The following SH3KBP1 variants were observed in gnomAD, a reference collection of about 807,000 sequenced individuals.
SH3KBP1 encodes SH3 domain containing kinase binding protein 1.
In SH3KBP1, 8 loss-of-function variants were observed where a neutral mutation model predicts 50.1. The observed-to-expected ratio is 0.16, with a 90% CI of 0.09 to 0.29. SH3KBP1 has a LOEUF of 0.29. Among genes scored for constraint, SH3KBP1 ranks in the 10% least tolerant of loss-of-function variants. SH3KBP1 has a pLI of 1.00. For synonymous variants in SH3KBP1, 227 were observed against 218.6 expected (o/e 1.04, Z -0.34); for missense variants, 377 against 535.2 (o/e 0.70, Z 2.92).
At chrX:19,778,638 A>G (rs1207539559) in intron 2 of SH3KBP1, among the ~76,000 whole-genome samples, 2 of 109,894 alleles carry the variant, frequency 1.8e-5, no homozygotes, top group Admixed American at 2.0e-4. Context: ...ATCCTTGTGA[A>G]AAGTGGGAAA....
chrX:19,883,943 T>G (rs2069516613), intron 1 of SH3KBP1, among the ~76,000 whole-genome samples: 1 of 111,505 alleles, frequency 9.0e-6, no homozygotes, highest in South Asian at 3.8e-4. Context: ...AAACACGCCC[T>G]CAAGCCACCT....
intron 2 of SH3KBP1, among the ~76,000 whole-genome samples, chrX:19,831,734 T>A (rs1251710519): frequency 2.5e-5 from 2 of 80,641 alleles, no homozygotes; most frequent in African/African-American, 1.0e-4. Context: ...GAGGTTGCGG[T>A]GAGCCGAGAT....
At chrX:19,810,925 A>G (rs1056193704) in intron 2 of SH3KBP1, among the ~76,000 whole-genome samples, 1 of 112,125 alleles carries the variant, frequency 8.9e-6, no homozygotes, top group Non-Finnish European at 1.9e-5. Context: ...AAAAATGTCA[A>G]TAAGCACAAA....
intron 2 of SH3KBP1, among the ~76,000 whole-genome samples, chrX:19,761,384 A>T (rs1328632369): frequency 1.1e-5 from 1 of 94,875 alleles, no homozygotes; most frequent in Non-Finnish European, 2.1e-5. Context: ...GGGGGGAGAG[A>T]GAGGGAGAGA....
At position 19,863,983 on chromosome X, in the gene SH3KBP1, T is replaced by C. The variant is rs1312436300; in HGVS notation, c.4+23324A>G. Among the ~76,000 whole-genome samples the C allele has an allele frequency of 2.7e-5, 3 of 110,923 alleles. No individual in the cohort carries two copies. The Admixed American group carries it at 2.9e-4, about 11-fold the overall frequency. On this transcript the variant is annotated intron_variant, in intron 1 of 17. Transcript: ENST00000397821. ...TCATTTCCTGTCCTCATCCCCCTGC[T>C]TCCTCATTCCTCGCTCGCTGGCCAG... is the stretch of plus-strand genomic sequence containing the variant.
chrX:19,851,921 T>C (rs772778074), intron 1 of SH3KBP1, among the ~76,000 whole-genome samples: 53 of 111,438 alleles, frequency 4.8e-4, no homozygotes, highest in African/African-American at 1.6e-3. Flanking sequence ...CTGTGGCCAA[T>C]TGTGTTTTCC....
At chrX:19,778,676 T>G (rs1288068865) in intron 2 of SH3KBP1, among the ~76,000 whole-genome samples, 1 of 110,268 alleles carries the variant, frequency 9.1e-6, no homozygotes, top group East Asian at 2.9e-4. Context: ...GTAGGTGTGA[T>G]CTGAGGAAGG....
chrX:19,644,841 T>C (rs1426015048), intron 7 of SH3KBP1, among the ~76,000 whole-genome samples: 1 of 112,056 alleles, frequency 8.9e-6, no homozygotes, highest in Non-Finnish European at 1.9e-5. Flanking sequence ...ATGATATTTC[T>C]ATTGGCTAGC....
At chrX:19,629,509 G>A (rs2061530243) in intron 8 of SH3KBP1, among the ~76,000 whole-genome samples, 1 of 111,400 alleles carries the variant, frequency 9.0e-6, no homozygotes, top group Non-Finnish European at 1.9e-5. Flanking sequence ...CTCCAGACCG[G>A]GTGCTATGGT....
chrX:19,835,229 G>C (rs2068027294), intron 2 of SH3KBP1, among the ~76,000 whole-genome samples: 1 of 111,473 alleles, frequency 9.0e-6, no homozygotes, highest in Admixed American at 9.6e-5. Context: ...AACCTCCTGG[G>C]CTCAAGTGAT....
At chrX:19,639,967 A>T (rs2061813096) in intron 7 of SH3KBP1, among the ~76,000 whole-genome samples, 2 of 100,129 alleles carry the variant, frequency 2.0e-5, no homozygotes, top group South Asian at 9.6e-4. Context: ...AATGAGCTGC[A>T]CTGAGTAAGT....
At chrX:19,878,505 T>TGTGTGTGTGTGTGTGTGTGTGA (rs1491094714) in intron 1 of SH3KBP1, among the ~76,000 whole-genome samples, 2 of 48,216 alleles carry the variant, frequency 4.1e-5, no homozygotes, top group African/African-American at 1.2e-4. Context: ...TGTGTGTGTG[T>TGTGTGTGTGTGTGTGTGTGTGA]GAGAGAGAGA....
rs774157171 is a variant in SH3KBP1, at chrX:19,749,978, G to A, written c.163-3537C>T. 6.3e-5 allele frequency among the ~76,000 whole-genome samples: 7 copies of A among 111,748 alleles called. No individual in the cohort carries two copies. In the East Asian group the frequency reaches 2.0e-3, roughly 31 times the overall value. On this transcript the variant is annotated intron_variant, in intron 2 of 17. Coordinates refer to ENST00000397821, the MANE Select transcript of SH3KBP1 (RefSeq NM_031892.3). ...TACTCAGACACCCACACAAGACCCA[G>A]GGGGCTAAGCAAACTTGCTCAAGGT...
At chrX:19,573,190 T>C (rs746161527) in intron 12 of SH3KBP1, among the ~76,000 whole-genome samples, 2 of 112,223 alleles carry the variant, frequency 1.8e-5, no homozygotes, top group South Asian at 3.7e-4. Context: ...AAATCATATA[T>C]ATAGGAAAAA....
intron 8 of SH3KBP1, among the ~76,000 whole-genome samples, chrX:19,629,999 A>T (rs2061541775): frequency 8.9e-6 from 1 of 112,188 alleles, no homozygotes; most frequent in African/African-American, 3.2e-5. Flanking sequence ...AATTTTTATC[A>T]GACTGGATCT....
At chrX:19,675,155 CT>C (rs768466179) in intron 6 of SH3KBP1, among the ~76,000 whole-genome samples, 223 of 111,353 alleles carry the variant, frequency 2.0e-3, no homozygotes, top group Non-Finnish European at 3.5e-3. Context: ...GGTACTCTTT[CT>C]ACTCTAATAA....
chrX:19,586,541 G>A (rs1260275296), intron 12 of SH3KBP1, among the ~76,000 whole-genome samples: 1 of 112,156 alleles, frequency 8.9e-6, no homozygotes, highest in African/African-American at 3.2e-5. Flanking sequence ...AATGATCCTT[G>A]CTAAGGTCAT....
intron 1 of SH3KBP1, among the ~76,000 whole-genome samples, chrX:19,874,063 AAAAAAATAT>A (rs2069158515): frequency 1.1e-5 from 1 of 88,479 alleles, no homozygotes; most frequent in African/African-American, 4.8e-5. Flanking sequence ...AAAAAAAAAA[AAAAAAATAT>A]ATATATATAT....
At chrX:19,552,266 G>A (rs1025527244) in intron 13 of SH3KBP1, among the ~76,000 whole-genome samples, 20 of 111,342 alleles carry the variant, frequency 1.8e-4, no homozygotes, top group African/African-American at 6.5e-4. Flanking sequence ...AAATATCCTT[G>A]CATGTACTCT....
Sources: allele counts gnomAD v4.1 joint callset (sites outside exome capture counted in the v4.1 genomes callset), GRCh38; gene constraint gnomAD v4.1.1; transcripts MANE v1.5; gene names NCBI Gene and HGNC (gene_info 2026-07-23, HGNC 2026-07-21).